DOCK2: variants seen among roughly 807,000 people sequenced by gnomAD.
The protein encoded by DOCK2 is dedicator of cytokinesis protein 2.
A neutral mutation model predicts 248.9 loss-of-function variants in DOCK2; 87 were observed. The ratio of observed to expected loss-of-function variants is 0.35; its 90% CI spans 0.29 to 0.42. The LOEUF (loss-of-function observed/expected upper bound fraction) is 0.42, where lower values mean the gene tolerates loss of function less well. DOCK2 is among the 10% of genes least tolerant of loss of function. DOCK2 has a pLI of 1.00. For synonymous variants in DOCK2, 805 were observed against 821.6 expected, an observed-to-expected ratio of 0.98 and a Z score of 0.35; for missense variants, 1,747 against 2,300.2, an observed-to-expected ratio of 0.76 and a Z score of 4.92.
At chr5:169,653,635 G>T (rs1382422395) in intron 1 of DOCK2, among the ~76,000 whole-genome samples, 1 of 152,176 alleles carries the variant, frequency 6.6e-6, no homozygotes, top group African/African-American at 2.4e-5. Flanking sequence ...AGCTCAGCTG[G>T]CCCTGCCTGC....
chr5:170,062,100 AGTGTGT>A (rs148650076), intron 44 of DOCK2, among the ~76,000 whole-genome samples: 2,350 of 144,514 alleles, frequency 0.016, 52 homozygotes, highest in African/African-American at 0.051. Context: ...TATGTATATG[AGTGTGT>A]GTGTGTGTGT....
intron 27 of DOCK2, 99 bp downstream of exon 27, chr5:169,840,951 T>C: frequency 7.5e-7 from 1 of 1,326,728 alleles, no homozygotes; most frequent in Non-Finnish European, 1.0e-6. Flanking sequence ...CCAGCATTGA[T>C]CATTGCTTTG....
chr5:169,777,759 A>G (rs7713379), intron 25 of DOCK2, among the ~76,000 whole-genome samples: 22,162 of 152,228 alleles, frequency 0.15, 1,738 homozygotes, highest in Non-Finnish European at 0.18. Context: ...GGTGAGAGGC[A>G]TAGAGAGGCC....
rs992299305 is a variant in DOCK2, at chr5:169,756,017, T to A, written c.2377-3688T>A. On this transcript the variant is annotated intron_variant, in intron 23 of 51. Coordinates refer to ENST00000520908, the MANE Select transcript of DOCK2 (RefSeq NM_004946.3). The stretch of plus-strand genomic sequence containing the variant: ...GTAGGCAGAGATGGGCTGTCCCCAT[T>A]GGGAAAAAGAACCACAGGCCTGCCA... 2.2e-4 allele frequency among the ~76,000 whole-genome samples: 34 copies of A among 152,200 alleles called. No individual in the cohort carries two copies. The South Asian group carries it at 4.6e-3, about 20-fold the overall frequency.
At chr5:169,855,198 G>T (rs1770824439) in intron 27 of DOCK2, among the ~76,000 whole-genome samples, 1 of 152,176 alleles carries the variant, frequency 6.6e-6, no homozygotes, top group African/African-American at 2.4e-5. Context: ...GATAATGCAG[G>T]CAAAGCCTTT....
chr5:169,904,878 C>T (rs1032154222), intron 27 of DOCK2, among the ~76,000 whole-genome samples: 5 of 152,124 alleles, frequency 3.3e-5, no homozygotes, highest in Non-Finnish European at 5.9e-5. Context: ...CACTGCTCCA[C>T]GGCTGGAGCA....
chr5:170,063,588 G>A (rs79894622), intron 44 of DOCK2, among the ~76,000 whole-genome samples: 12,717 of 152,232 alleles, frequency 0.084, 1,148 homozygotes, highest in East Asian at 0.43. Flanking sequence ...GCCAGAGGTT[G>A]GCACTTCACT....
In DOCK2 at chr5:170,081,987, G is replaced by A; in HGVS notation, c.5430+3G>A. ...TCAATCAGTTCTTCAAGACAATGGT[G>A]AGGACATTGAGGGTGGAAGGAAAGG... On this transcript the variant is annotated splice_donor_region_variant and intron_variant, in intron 51 of 51. Transcript: ENST00000520908. 6.2e-7 allele frequency: 1 copy of A among 1,613,390 alleles called. No homozygotes were observed. Among genetic ancestry groups the A allele is most frequent in the East Asian group, 2.2e-5 (1 of 44,878 alleles).
chr5:169,893,246 C>A (rs1773400290), intron 27 of DOCK2, among the ~76,000 whole-genome samples: 1 of 152,228 alleles, frequency 6.6e-6, no homozygotes, highest in East Asian at 1.9e-4. Context: ...TTGGCTGCTG[C>A]TGCTGCTGCT....
chr5:169,668,600 C>T (rs1456771072), intron 2 of DOCK2, among the ~76,000 whole-genome samples: 12 of 152,086 alleles, frequency 7.9e-5, no homozygotes, highest in Admixed American at 5.2e-4. Context: ...AAAGGCCAGC[C>T]GACTCATTAC....
chr5:169,968,808 T>C (rs961192032), intron 27 of DOCK2, among the ~76,000 whole-genome samples: 1 of 152,104 alleles, frequency 6.6e-6, no homozygotes, highest in Non-Finnish European at 1.5e-5. Context: ...AACACAAAGA[T>C]GGACTGCCCT....
intron 27 of DOCK2, among the ~76,000 whole-genome samples, chr5:169,946,386 C>T (rs915523530): frequency 2.6e-5 from 4 of 152,176 alleles, no homozygotes; most frequent in African/African-American, 9.7e-5. Flanking sequence ...AAGGCTCTTC[C>T]AGGAGCTACC....
intron 22 of DOCK2, among the ~76,000 whole-genome samples, chr5:169,737,684 T>G (rs1050082366): frequency 4.6e-5 from 7 of 152,090 alleles, no homozygotes; most frequent in Non-Finnish European, 8.8e-5. Flanking sequence ...AAAGCCTATA[T>G]AAAATCACAA....
In DOCK2 at chr5:170,067,383, G is replaced by A. The variant is rs542191167; in HGVS notation, c.4468-127G>A. On this transcript the variant is annotated intron_variant, in intron 44 of 51. Transcript: ENST00000520908. ...CAGAGCTCAGTAATTACAAGATCCTGTTACAGCCCCTTAGGGAGCATTGCC... is the reference window on the plus strand; with the variant it reads ...CAGAGCTCAGTAATTACAAGATCCTATTACAGCCCCTTAGGGAGCATTGCC... 94 of 921,304 alleles carry A rather than the reference G, an allele frequency of 1.0e-4. No homozygotes were observed. The Middle Eastern group carries it at 2.7e-3, about 27-fold the overall frequency. The allele number at this position is 921,304 out of a possible 1,614,324, so 57.1% of individuals were successfully genotyped here.
At chr5:169,918,679 G>A (rs1239226983) in intron 27 of DOCK2, among the ~76,000 whole-genome samples, 3 of 152,204 alleles carry the variant, frequency 2.0e-5, no homozygotes, top group South Asian at 2.1e-4. Flanking sequence ...TTGGGAGGCC[G>A]AGGCGAGAGG....
intron 42 of DOCK2, 90 bp from the exon 43 acceptor site, chr5:170,056,594 T>C: frequency 9.3e-7 from 1 of 1,077,996 alleles, no homozygotes; most frequent in Non-Finnish European, 1.4e-6. Context: ...AAGTTTACTG[T>C]AATGAACCTC....
chr5:169,701,934 G>A (rs991612420), intron 13 of DOCK2, among the ~76,000 whole-genome samples: 3 of 152,112 alleles, frequency 2.0e-5, no homozygotes, highest in Non-Finnish European at 4.4e-5. Flanking sequence ...GTGAAATATC[G>A]GCAGATGTAT....
intron 27 of DOCK2, among the ~76,000 whole-genome samples, chr5:169,943,797 T>G (rs1391848953): frequency 6.6e-6 from 1 of 152,162 alleles, no homozygotes; most frequent in African/African-American, 2.4e-5. Flanking sequence ...CAGGGACCTG[T>G]GTTTTAGCCA....
At chr5:169,665,678 A>G (rs1403221342) in intron 2 of DOCK2, among the ~76,000 whole-genome samples, 1 of 152,054 alleles carries the variant, frequency 6.6e-6, no homozygotes, top group Non-Finnish European at 1.5e-5. Context: ...AACTTTGTCT[A>G]AAAAAATAGT....
Sources: gnomAD v4.1 joint callset for allele counts (sites outside exome capture counted in the v4.1 genomes callset) on GRCh38, gnomAD v4.1.1 for gene constraint, MANE v1.5 for transcripts, NCBI Gene and HGNC (gene_info 2026-07-23, HGNC 2026-07-21) for gene names.